FAM167A: variants seen among roughly 807,000 people sequenced by gnomAD.
FAM167A encodes family with sequence similarity 167 member A.
In FAM167A, 23 loss-of-function variants were observed where a neutral mutation model predicts 14.9. The ratio of observed to expected loss-of-function variants is 1.55; its 90% confidence interval spans 1.11 to 2.19. The LOEUF is 2.19. Among genes scored for constraint, FAM167A ranks in the 30% most tolerant of loss-of-function variants. The pLI, the probability that FAM167A is intolerant of heterozygous loss-of-function variation, is 0.00. For missense variants in FAM167A, 401 were observed against 281.5 expected, an observed-to-expected ratio of 1.42 and a Z score of -3.04; for synonymous variants, 174 against 117.7, an observed-to-expected ratio of 1.48 and a Z score of -3.10.
chr8:11,467,698 T>G (rs972572653), upstream of FAM167A: 11 of 152,344 alleles, frequency 7.2e-5, no homozygotes, highest in African/African-American at 2.7e-4. Flanking sequence ...GGTGCGCGGC[T>G]GGTCGGGCCT....
In FAM167A at chr8:11,452,814, C is replaced by T. The variant is rs564102720; in HGVS notation, c.-397-8006G>A. 3.7e-4 allele frequency among the ~76,000 whole-genome samples: 56 copies of T among 152,328 alleles called. No individual in the cohort carries two copies. The South Asian group carries it at 0.011, about 30-fold the overall frequency. ...TGCTGGGGGAATGTGCAGGCACGTT[C>T]CCCAGTGCCAGCACGGGCTGAGCAA... On this transcript the variant is annotated intron_variant, in intron 1 of 2. Coordinates refer to ENST00000284486, the MANE Select transcript of FAM167A (RefSeq NM_053279.3).
chr8:11,434,534 A>G (rs1805860828), intron 2 of FAM167A, among the ~76,000 whole-genome samples: 1 of 152,150 alleles, frequency 6.6e-6, no homozygotes, highest in South Asian at 2.1e-4. Flanking sequence ...CCAGGCATAG[A>G]GCAGGAGGCT....
chr8:11,462,267 G>A (rs1395444873), intron 1 of FAM167A, among the ~76,000 whole-genome samples: 1 of 152,218 alleles, frequency 6.6e-6, no homozygotes, highest in Non-Finnish European at 1.5e-5. Flanking sequence ...GGGGACGTGG[G>A]TTGGTTGACA....
intron 2 of FAM167A, among the ~76,000 whole-genome samples, chr8:11,435,479 A>G (rs1229366088): frequency 1.3e-5 from 2 of 152,234 alleles, no homozygotes; most frequent in Non-Finnish European, 2.9e-5. Flanking sequence ...CAATGAATCA[A>G]TCCGTTAGTT....
At chr8:11,451,768 A>G (rs4841539) in intron 1 of FAM167A, among the ~76,000 whole-genome samples, 103,145 of 151,996 alleles carry the variant, frequency 0.68, 35,510 homozygotes, top group Middle Eastern at 0.74. Context: ...CCTGGAGGCA[A>G]ATGTGAAGTG....
chr8:11,473,896 A>G (rs978690917), intron 1 of FAM167A, among the ~76,000 whole-genome samples: 1 of 151,386 alleles, frequency 6.6e-6, no homozygotes, highest in African/African-American at 2.4e-5. Context: ...TTTTTGAGAC[A>G]GAGTCTCACT....
chr8:11,427,396 C>T (rs1312326590), intron 2 of FAM167A, among the ~76,000 whole-genome samples: 1 of 152,200 alleles, frequency 6.6e-6, no homozygotes, highest in East Asian at 1.9e-4. Context: ...GCTGCTCCTA[C>T]TTGACTCGAG....
intron 2 of FAM167A, among the ~76,000 whole-genome samples, chr8:11,427,273 A>G (rs1035880631): frequency 6.6e-6 from 1 of 152,166 alleles, no homozygotes; most frequent in Admixed American, 6.5e-5. Context: ...ACCAGCCAGC[A>G]TGCTAGCTGG....
chr8:11,424,276 C>G lies in FAM167A; in HGVS notation c.*97G>C. ...TCGCCAGTCCCAGGGACCCCTGCCT[C>G]CGGGAGACCCACTGGAGTAACTTGG... On this transcript the variant is annotated 3_prime_UTR_variant, in exon 3 of 3. Transcript: ENST00000284486. 3 of 1,534,958 alleles carry G rather than the reference C, an allele frequency of 2.0e-6. No homozygotes were observed. The highest frequency in any genetic ancestry group is 3.6e-5 in the Admixed American group (2 of 55,210).
At chr8:11,460,337 G>A (rs1807490721) in intron 1 of FAM167A, among the ~76,000 whole-genome samples, 1 of 152,238 alleles carries the variant, frequency 6.6e-6, no homozygotes, top group Admixed American at 6.5e-5. Context: ...CTGGGAGTCA[G>A]CTACTGGGGT....
rs539664838 is a variant in FAM167A at position 11,423,275 on chromosome 8, C to T, written c.*1098G>A. The T allele has an allele frequency of 6.6e-6, 1 of 152,510 alleles. No individual in the cohort carries two copies. The highest frequency in any genetic ancestry group is 1.5e-5 in the Non-Finnish European group (1 of 68,040). 9.4% of individuals were successfully genotyped at this position (152,510 alleles called of 1,614,324 possible). A position where few individuals can be genotyped will look rare whatever the true frequency, so the allele number is the denominator to read the frequency against. ...GGTCTTAACTTGCTGATCCTCAAGCCTGTTGGGAGGGAGAAACTCTTAAAA... is the reference window on the plus strand; with the variant it reads ...GGTCTTAACTTGCTGATCCTCAAGCTTGTTGGGAGGGAGAAACTCTTAAAA... On this transcript the variant is annotated 3_prime_UTR_variant, in exon 3 of 3. Transcript: ENST00000284486.
At chr8:11,473,683 C>A (rs949527574) in intron 1 of FAM167A, among the ~76,000 whole-genome samples, 1 of 152,148 alleles carries the variant, frequency 6.6e-6, no homozygotes, top group African/African-American at 2.4e-5. Context: ...TGTCAGGCTG[C>A]TTTGGGCAAA....
intron 2 of FAM167A, among the ~76,000 whole-genome samples, chr8:11,441,412 C>G (rs1328292897): frequency 6.6e-6 from 1 of 152,236 alleles, no homozygotes; most frequent in African/African-American, 2.4e-5. Flanking sequence ...CCATTCCCAA[C>G]CAAAGGGACC....
chr8:11,432,060 T>A (rs1470405761), intron 2 of FAM167A, among the ~76,000 whole-genome samples: 1 of 152,058 alleles, frequency 6.6e-6, no homozygotes, highest in Non-Finnish European at 1.5e-5. Context: ...GGAATTTGCA[T>A]CCTTACTCAA....
At chr8:11,465,103 C>T (rs920207883) in intron 1 of FAM167A, among the ~76,000 whole-genome samples, 78 of 152,258 alleles carry the variant, frequency 5.1e-4, no homozygotes, top group African/African-American at 1.8e-3. Context: ...GAATTGAGGC[C>T]GGCCAGGCCC....
In FAM167A at chr8:11,444,569, G is replaced by C; in HGVS notation, c.-158C>G. 6.9e-7 allele frequency: 1 copy of C among 1,451,718 alleles called. No individual in the cohort carries two copies. The highest frequency in any genetic ancestry group is 9.0e-7 in the Non-Finnish European group (1 of 1,109,864). The allele number at this position is 1,451,718 out of a possible 1,614,324, so 89.9% of individuals were successfully genotyped here. Reference sequence around the variant, plus strand: ...CCGGCCTCAGAGGCTGGGTGGCAGGGGAGCTGAGAGGGACCGCGCAGTGAG... The same window carrying C: ...CCGGCCTCAGAGGCTGGGTGGCAGGCGAGCTGAGAGGGACCGCGCAGTGAG... On this transcript the variant is annotated 5_prime_UTR_variant, in exon 2 of 3. Transcript: ENST00000284486.
rs1053314727 is a variant in FAM167A, at chr8:11,424,223, C to A, written c.*150G>T. ...CCCAGGGCCCCTGGGTGGGAGAGCA[C>A]CACTGAATAGGTCCTGGGGCCCTTG... On this transcript the variant is annotated 3_prime_UTR_variant, in exon 3 of 3. Coordinates refer to ENST00000284486, the MANE Select transcript of FAM167A (RefSeq NM_053279.3). 1.3e-5 allele frequency: 13 copies of A among 966,000 alleles called. No individual in the cohort carries two copies. Among genetic ancestry groups the A allele is most frequent in the Non-Finnish European group, 2.0e-5 (13 of 663,200 alleles). The allele number at this position is 966,000 out of a possible 1,614,324, so 59.8% of individuals were successfully genotyped here. A position where few individuals can be genotyped will look rare whatever the true frequency, so the allele number is the denominator to read the frequency against.
Position 11,422,758 on chromosome 8 carries a change from C to G in FAM167A, c.*1615G>C, listed in dbSNP as rs540575173. Reference sequence around the variant, plus strand: ...GATGTGTGGGTGGACACGGGCCCCACTGAGATTACACAGGAAGAAGTCACA... The same window carrying G: ...GATGTGTGGGTGGACACGGGCCCCAGTGAGATTACACAGGAAGAAGTCACA... On this transcript the variant is annotated 3_prime_UTR_variant, in exon 3 of 3. Coordinates refer to ENST00000284486, the MANE Select transcript of FAM167A (RefSeq NM_053279.3). The G allele has an allele frequency of 6.6e-6, 1 of 152,456 alleles. No individual in the cohort carries two copies. The highest frequency in any genetic ancestry group is 1.9e-4 in the East Asian group (1 of 5,178). The allele number at this position is 152,456 out of a possible 1,614,324, so 9.4% of individuals were successfully genotyped here.
Position 11,424,627 on chromosome 8 carries a change from G to T in FAM167A, c.391C>A (p.Arg131=), listed in dbSNP as rs746960113. 6.2e-6 allele frequency: 10 copies of T among 1,613,584 alleles called. No homozygotes were observed. The highest frequency in any genetic ancestry group is 1.7e-5 in the Admixed American group (1 of 60,012). The change falls in exon 3 of 3, where the codon CGG becomes AGG. Residue 131 remains arginine (R), a synonymous_variant. Coordinates refer to ENST00000284486, the MANE Select transcript of FAM167A (RefSeq NM_053279.3). ...CTGGCCAGTTGCTGGTCCTGCAGCC[G>T]CATCTCCGTCTGGAAGGGAGGGGGA... The part of the protein sequence containing the change: ...AWLRKELTEM[R]LQDQQLARQL...
Sources: allele counts gnomAD v4.1 joint callset (sites outside exome capture counted in the v4.1 genomes callset), GRCh38; gene constraint gnomAD v4.1.1; transcripts MANE v1.5; gene names NCBI Gene and HGNC (gene_info 2026-07-23, HGNC 2026-07-21).